The following PIP4K2A variants were observed in gnomAD, a reference collection of about 807,000 sequenced individuals.
The protein encoded by PIP4K2A is phosphatidylinositol-5-phosphate 4-kinase type 2 alpha, also known as phosphatidylinositol 5-phosphate 4-kinase type-2 alpha.
In PIP4K2A, 14 loss-of-function variants were observed where a neutral mutation model predicts 42.9. The observed-to-expected ratio is 0.33, with a 90% CI of 0.22 to 0.51. The LOEUF (loss-of-function observed/expected upper bound fraction) is 0.51. PIP4K2A is among the 20% of genes least tolerant of loss of function. PIP4K2A has a pLI of 0.97. For synonymous variants in PIP4K2A, 192 were observed against 192.2 expected (o/e 1.00, Z 0.01); for missense variants, 434 against 519.8 (o/e 0.83, Z 1.61).
Position 22,552,760 on chromosome 10 carries a change from C to G in PIP4K2A, c.679-1988G>C, listed in dbSNP as rs539124532. Among the ~76,000 whole-genome samples the G allele has an allele frequency of 2.6e-5, 4 of 152,234 alleles. No individual in the cohort carries two copies. In the East Asian group the frequency reaches 7.7e-4, roughly 29 times the overall value. ...GGATCGTAATTTTCCCAGCAGACAC[C>G]TTGGGCATTTCTGTGTCATTATGTG... On this transcript the variant is annotated intron_variant, in intron 6 of 9. Transcript: ENST00000376573.
At chr10:22,634,528 T>C (rs1432797651) in intron 1 of PIP4K2A, among the ~76,000 whole-genome samples, 3 of 152,232 alleles carry the variant, frequency 2.0e-5, no homozygotes, top group Non-Finnish European at 4.4e-5. Context: ...TGGCATTTAC[T>C]CGCTTGTTTC....
intron 1 of PIP4K2A, among the ~76,000 whole-genome samples, chr10:22,708,773 C>T (rs1415098302): frequency 6.6e-6 from 1 of 152,134 alleles, no homozygotes; most frequent in Non-Finnish European, 1.5e-5. Flanking sequence ...GAATTAGACA[C>T]TGCATTTTAA....
intron 7 of PIP4K2A, among the ~76,000 whole-genome samples, chr10:22,547,284 TCA>T (rs780219479): frequency 2.5e-4 from 38 of 152,360 alleles, no homozygotes; most frequent in Non-Finnish European, 4.7e-4. Flanking sequence ...GAAGCAATTA[TCA>T]GAAAACAAAG....
chr10:22,567,441 T>C (rs137985329), intron 6 of PIP4K2A: 1 of 378,732 alleles, frequency 2.6e-6, no homozygotes, highest in African/African-American at 2.1e-5. Flanking sequence ...GAAAGCAGAC[T>C]CAGCGATGCA....
intron 1 of PIP4K2A, among the ~76,000 whole-genome samples, chr10:22,703,660 G>T (rs1833757656): frequency 6.6e-6 from 1 of 152,210 alleles, no homozygotes; most frequent in South Asian, 2.1e-4. Context: ...CCTTTGGAAG[G>T]TTTAACTGAG....
rs60280923 is a variant in PIP4K2A at position 22,591,706 on chromosome 10, C to T, written c.415G>A (p.Asp139Asn). The T allele has an allele frequency of 1.7e-5, 27 of 1,613,484 alleles. No individual in the cohort carries two copies. The African/African-American group carries it at 2.0e-4, about 12-fold the overall frequency. ...ATAGTCTTGATGATGTATCTTTTGT[C>T]GTAGGAAGTGTGAAAACGAGCTCCA... is the stretch of plus-strand genomic sequence containing the variant. Reference protein sequence around the residue: ...RSGARFHTSYDKRYIIKTITS... With the variant: ...RSGARFHTSYNKRYIIKTITS... The change falls in exon 4 of 10, where the codon GAC becomes AAC. Residue 139 changes from aspartate (D) to asparagine (N), a missense_variant. Physicochemically the swap from Asp to Asn is conservative, Grantham distance 23. Around this residue, in one of 2 missense-constraint regions of PIP4K2A, gnomAD observed 395 missense variants for 444.5 expected, o/e 0.89. Transcript: ENST00000376573.
chr10:22,700,492 C>T (rs567223350), intron 1 of PIP4K2A, among the ~76,000 whole-genome samples: 35 of 152,266 alleles, frequency 2.3e-4, no homozygotes, highest in South Asian at 1.7e-3. Context: ...ATGCATGACC[C>T]GAGAAAAGCA....
chr10:22,536,913 T>C lies in PIP4K2A; in HGVS notation c.*288A>G, dbSNP rs1220122681. The C allele has an allele frequency of 6.1e-6, 2 of 328,116 alleles. No individual in the cohort carries two copies. Among genetic ancestry groups the C allele is most frequent in the African/African-American group, 4.3e-5 (2 of 46,022 alleles). 20.3% of individuals were successfully genotyped at this position (328,116 alleles called of 1,614,324 possible). On this transcript the variant is annotated 3_prime_UTR_variant, in exon 10 of 10. Coordinates refer to ENST00000376573, the MANE Select transcript of PIP4K2A (RefSeq NM_005028.5). ...CATACTGACCGAAGTGGATCTGTTT[T>C]AATTAATTTATGACTTTTAAAATGC...
intron 3 of PIP4K2A, among the ~76,000 whole-genome samples, chr10:22,594,946 A>T (rs1837599998): frequency 6.6e-6 from 1 of 152,180 alleles, no homozygotes; most frequent in Non-Finnish European, 1.5e-5. Context: ...AGTAGCCCCA[A>T]CCCACACTAT....
At chr10:22,695,237 G>A (rs143789435) in intron 1 of PIP4K2A, among the ~76,000 whole-genome samples, 251 of 152,160 alleles carry the variant, frequency 1.6e-3, no homozygotes, top group African/African-American at 5.8e-3. Context: ...AATATTTACC[G>A]TCAGTGGATC....
intron 1 of PIP4K2A, among the ~76,000 whole-genome samples, chr10:22,661,517 G>C (rs191465392): frequency 9.2e-5 from 14 of 152,086 alleles, no homozygotes; most frequent in Non-Finnish European, 1.3e-4. Flanking sequence ...CACTGTGCCA[G>C]GCTAAGTTTT....
chr10:22,637,444 T>TAC (rs1313165304), intron 1 of PIP4K2A, among the ~76,000 whole-genome samples: 2 of 152,224 alleles, frequency 1.3e-5, no homozygotes, highest in East Asian at 3.8e-4. Flanking sequence ...CTAGACCTGC[T>TAC]ACTGCTCAGC....
chr10:22,680,960 C>G (rs190541195), intron 1 of PIP4K2A, among the ~76,000 whole-genome samples: 2 of 152,064 alleles, frequency 1.3e-5, no homozygotes, highest in African/African-American at 2.4e-5. Flanking sequence ...CCTATTCAGG[C>G]GAGAAAATAG....
chr10:22,545,599 C>A (rs577453307), intron 7 of PIP4K2A, among the ~76,000 whole-genome samples: 40 of 152,358 alleles, frequency 2.6e-4, no homozygotes, highest in African/African-American at 9.6e-4. Context: ...ACTCCTAGCA[C>A]AACCCAAAAA....
In PIP4K2A at chr10:22,686,156, G is replaced by A. The variant is rs192099084; in HGVS notation, c.144+28027C>T. On this transcript the variant is annotated intron_variant, in intron 1 of 9. Coordinates refer to ENST00000376573, the MANE Select transcript of PIP4K2A (RefSeq NM_005028.5). ...AAACAACTTGGAAACATGCTGAACC[G>A]GCACATTTCGGATAATTTCAGGAAC... 2.7e-3 allele frequency among the ~76,000 whole-genome samples: 411 copies of A among 152,204 alleles called. 1 individual carries two copies. Among genetic ancestry groups the A allele is most frequent in the Middle Eastern group, 0.01 (3 of 292 alleles).
chr10:22,678,100 AATGAT>A (rs1335960591), intron 1 of PIP4K2A, among the ~76,000 whole-genome samples: 1 of 152,200 alleles, frequency 6.6e-6, no homozygotes, highest in Non-Finnish European at 1.5e-5. Flanking sequence ...ATGAGGAATG[AATGAT>A]ATAAAAATTA....
At chr10:22,582,939 A>G (rs1010794312) in intron 4 of PIP4K2A, among the ~76,000 whole-genome samples, 8 of 151,536 alleles carry the variant, frequency 5.3e-5, no homozygotes, top group Non-Finnish European at 7.4e-5. Flanking sequence ...TTAAGCAAAT[A>G]TAACAAATAT....
At chr10:22,659,230 C>T (rs1194469681) in intron 1 of PIP4K2A, among the ~76,000 whole-genome samples, 3 of 152,316 alleles carry the variant, frequency 2.0e-5, no homozygotes, top group Admixed American at 2.0e-4. Flanking sequence ...TAGGCACATA[C>T]CACTGAATAT....
chr10:22,654,555 CAG>C (rs963338671), intron 1 of PIP4K2A, among the ~76,000 whole-genome samples: 5 of 152,224 alleles, frequency 3.3e-5, no homozygotes, highest in African/African-American at 7.2e-5. Flanking sequence ...TAAGACCAAA[CAG>C]TGCTAGTGAA....
Sources: allele counts gnomAD v4.1 joint callset (sites outside exome capture counted in the v4.1 genomes callset), GRCh38; gene constraint gnomAD v4.1.1; regional missense constraint gnomAD v4.1.1; transcripts MANE v1.5; gene names NCBI Gene and HGNC (gene_info 2026-07-23, HGNC 2026-07-21).